Variants in CNTN5 observed in about 807,000 individuals in gnomAD.
CNTN5 encodes contactin 5.
CNTN5 carries 77 observed loss-of-function variants against 129.1 expected under a neutral mutation model. The ratio of observed to expected loss-of-function variants is 0.60; its 90% confidence interval spans 0.50 to 0.72. CNTN5 has a LOEUF of 0.72. Ranked by LOEUF, CNTN5 falls within the 30% of genes least tolerant of loss-of-function variation. The probability of loss-of-function intolerance (pLI) is 0.00; values close to 1 mark genes in which losing one functional copy is unlikely to be tolerated. For synonymous variants in CNTN5, 509 were observed against 465.6 expected (o/e 1.09, Z -1.20); for missense variants, 1,478 against 1,328.8 (o/e 1.11, Z -1.75).
intron 3 of CNTN5, among the ~76,000 whole-genome samples, chr11:99,639,699 A>G (rs10893639): frequency 0.6 from 90,636 of 150,360 alleles, 28,036 homozygotes; most frequent in Admixed American, 0.69. Flanking sequence ...CAAGTAGCTG[A>G]GATTACAGGC....
intron 8 of CNTN5, among the ~76,000 whole-genome samples, chr11:99,995,277 C>A (rs901904307): frequency 2.6e-5 from 4 of 151,418 alleles, no homozygotes; most frequent in Non-Finnish European, 5.9e-5. Context: ...GAAGCCAAAT[C>A]TTTGTGATAA....
At chr11:100,137,590 G>T (rs1353173261) in intron 13 of CNTN5, among the ~76,000 whole-genome samples, 1 of 152,076 alleles carries the variant, frequency 6.6e-6, no homozygotes, top group Non-Finnish European at 1.5e-5. Flanking sequence ...TCTCAGGGAA[G>T]TTGGTGACTG....
intron 1 of CNTN5, among the ~76,000 whole-genome samples, chr11:99,179,732 T>A (rs968425871): frequency 1.3e-5 from 2 of 152,182 alleles, no homozygotes; most frequent in African/African-American, 2.4e-5. Context: ...TGTGTTTAAT[T>A]TCATGTTGCT....
At position 99,602,782 on chromosome 11, in the gene CNTN5, C is replaced by A. The variant is rs7112575; in HGVS notation, c.55+46513C>A. Among the ~76,000 whole-genome samples the A allele has an allele frequency of 8.8e-3, 1,312 of 149,538 alleles. 12 individuals are homozygous for A. Among genetic ancestry groups the A allele is most frequent in the African/African-American group, 0.031 (1,247 of 40,496 alleles). ...GGGCAGACTGCCTCCTCAAGTGGGTCCCTGACCCCTGACCCCCGAGCAGCC... is the reference window on the plus strand; with the variant it reads ...GGGCAGACTGCCTCCTCAAGTGGGTACCTGACCCCTGACCCCCGAGCAGCC... On this transcript the variant is annotated intron_variant, in intron 3 of 24. Transcript: ENST00000524871.
chr11:99,993,050 G>A (rs1035845019), intron 8 of CNTN5, among the ~76,000 whole-genome samples: 1 of 152,208 alleles, frequency 6.6e-6, no homozygotes, highest in Admixed American at 6.5e-5. Context: ...CTTTGACTGT[G>A]TGTCTTATGG....
intron 1 of CNTN5, among the ~76,000 whole-genome samples, chr11:99,307,187 T>C (rs1463293246): frequency 6.6e-6 from 1 of 152,226 alleles, no homozygotes. Flanking sequence ...TCAAGGCTAA[T>C]GTTCAGTGAT....
chr11:99,042,664 C>T (rs773680118), intron 1 of CNTN5, among the ~76,000 whole-genome samples: 4 of 151,842 alleles, frequency 2.6e-5, no homozygotes, highest in Admixed American at 2.0e-4. Flanking sequence ...CGTGAGCCAC[C>T]GCGCCCGGCC....
At position 99,872,332 on chromosome 11, in the gene CNTN5, G is replaced by A. The variant is rs78226567; in HGVS notation, c.577+27070G>A. Among the ~76,000 whole-genome samples the A allele has an allele frequency of 1.8e-3, 277 of 152,134 alleles. 1 individual carries two copies. The highest frequency in any genetic ancestry group is 6.2e-3 in the African/African-American group (256 of 41,532). On this transcript the variant is annotated intron_variant, in intron 6 of 24. Coordinates refer to ENST00000524871, the MANE Select transcript of CNTN5 (RefSeq NM_014361.4). Reference sequence around the variant, plus strand: ...AGTTATTTTTTACTTCCAGAAAGATGATTACCATATGTATTTTATTTATAA... The same window carrying A: ...AGTTATTTTTTACTTCCAGAAAGATAATTACCATATGTATTTTATTTATAA...
At chr11:99,573,310 C>T (rs1231006616) in intron 3 of CNTN5, among the ~76,000 whole-genome samples, 1 of 152,028 alleles carries the variant, frequency 6.6e-6, no homozygotes, top group African/African-American at 2.4e-5. Flanking sequence ...GTGGCTCACG[C>T]CTGTAATCCC....
chr11:99,136,110 G>C (rs1893148), intron 1 of CNTN5, among the ~76,000 whole-genome samples: 138,337 of 152,168 alleles, frequency 0.91, 63,132 homozygotes, highest in East Asian at 0.99. Flanking sequence ...TTCTTATAAT[G>C]TAAGGCCAGG....
At chr11:99,527,075 TAACTAA>T (rs1433827244) in intron 2 of CNTN5, among the ~76,000 whole-genome samples, 1 of 152,240 alleles carries the variant, frequency 6.6e-6, no homozygotes, top group African/African-American at 2.4e-5. Context: ...ACTGCCCTTT[TAACTAA>T]GAGTAAAGCC....
chr11:99,921,603 C>T (rs1949940595), intron 7 of CNTN5, among the ~76,000 whole-genome samples: 1 of 152,126 alleles, frequency 6.6e-6, no homozygotes, highest in Non-Finnish European at 1.5e-5. Flanking sequence ...CCTAGCATTC[C>T]ATATACTGCA....
intron 2 of CNTN5, among the ~76,000 whole-genome samples, chr11:99,420,255 G>A (rs1942830221): frequency 6.6e-6 from 1 of 151,994 alleles, no homozygotes; most frequent in Non-Finnish European, 1.5e-5. Context: ...TTACTTCAAA[G>A]AAAAGTATTT....
At chr11:99,528,273 T>C (rs916695550) in intron 2 of CNTN5, among the ~76,000 whole-genome samples, 1 of 152,134 alleles carries the variant, frequency 6.6e-6, no homozygotes, top group Non-Finnish European at 1.5e-5. Flanking sequence ...ATTTACACAA[T>C]AAAATACACA....
intron 3 of CNTN5, among the ~76,000 whole-genome samples, chr11:99,629,723 A>C (rs1010155701): frequency 1.3e-5 from 2 of 151,878 alleles, no homozygotes. Flanking sequence ...AATTATACAG[A>C]GCCTATTGCT....
At chr11:100,003,714 C>T (rs148069295) in intron 9 of CNTN5, 2 of 152,284 alleles carry the variant, frequency 1.3e-5, no homozygotes, top group Admixed American at 6.5e-5. Context: ...TAAGACCCAA[C>T]AGTCAAATCA....
chr11:99,318,912 G>A (rs1023205596), intron 1 of CNTN5, among the ~76,000 whole-genome samples: 16 of 152,214 alleles, frequency 1.1e-4, no homozygotes, highest in African/African-American at 3.9e-4. Flanking sequence ...AGACAAATAT[G>A]AAGGTTTGGT....
At chr11:100,317,281 T>G (rs1304791988) in intron 21 of CNTN5, among the ~76,000 whole-genome samples, 1 of 151,988 alleles carries the variant, frequency 6.6e-6, no homozygotes, top group East Asian at 1.9e-4. Context: ...TTACTTTGTA[T>G]GGGGGGGAGG....
At chr11:100,287,978 C>A (rs963238699) in intron 18 of CNTN5, among the ~76,000 whole-genome samples, 4 of 152,144 alleles carry the variant, frequency 2.6e-5, no homozygotes, top group South Asian at 4.2e-4. Context: ...ATAAAACAGA[C>A]TTTAAACCAA....
Sources: gnomAD v4.1 joint callset for allele counts (sites outside exome capture counted in the v4.1 genomes callset) on GRCh38, gnomAD v4.1.1 for gene constraint, MANE v1.5 for transcripts, NCBI Gene and HGNC (gene_info 2026-07-23, HGNC 2026-07-21) for gene names.